ATM: variants seen among roughly 807,000 people sequenced by gnomAD.
ATM encodes serine-protein kinase ATM.
A neutral mutation model predicts 387.0 loss-of-function variants in ATM; 308 were observed. The observed-to-expected ratio is 0.80, with a 90% CI of 0.73 to 0.87. The LOEUF is 0.87. Among genes scored for constraint, ATM ranks in the 40% least tolerant of loss-of-function variants. ATM has a pLI of 0.00. For synonymous variants in ATM, 1,156 were observed against 1,187.3 expected (o/e 0.97, Z 0.54); for missense variants, 3,312 against 3,560.9 (o/e 0.93, Z 1.78).
chr11:108,362,990 CAAA>C (rs895050205), intron 61 of ATM, among the ~76,000 whole-genome samples: 1 of 151,446 alleles, frequency 6.6e-6, no homozygotes. Context: ...AACAAACAAA[CAAA>C]AAAAACACAC....
In ATM at chr11:108,327,765, T is replaced by A. The variant is rs1404350048; in HGVS notation, c.7089+7T>A. ...GCAGACCTATCTAGAAAAGGTAAGA[T>A]TTTTGGAGCAACCCTTAAGATAGTT... On this transcript the variant is annotated splice_region_variant and intron_variant, in intron 48 of 62. Transcript: ENST00000675843. The A allele has an allele frequency of 6.2e-7, 1 of 1,600,352 alleles. No individual in the cohort carries two copies. The highest frequency in any genetic ancestry group is 1.1e-5 in the South Asian group (1 of 90,704).
intron 61 of ATM, among the ~76,000 whole-genome samples, chr11:108,356,803 G>A (rs2089986867): frequency 6.6e-6 from 1 of 152,182 alleles, no homozygotes; most frequent in African/African-American, 2.4e-5. Flanking sequence ...GATCAAATGA[G>A]AGAAGTGACA....
In ATM at chr11:108,368,530, C is replaced by A. The variant is rs145076930; in HGVS notation, c.*3022C>A. The A allele has an allele frequency of 9.2e-6, 2 of 216,840 alleles. No homozygotes were observed. The highest frequency in any genetic ancestry group is 1.9e-4 in the South Asian group (1 of 5,358). The allele number at this position is 216,840 out of a possible 1,614,324, so 13.4% of individuals were successfully genotyped here. A position where few individuals can be genotyped will look rare whatever the true frequency, so the allele number is the denominator to read the frequency against. ...TCAGAATTTGGAGAAATAAGTTGTCCAAGGCAAGAAGATAGTAAATTATAA... is the reference window on the plus strand; with the variant it reads ...TCAGAATTTGGAGAAATAAGTTGTCAAAGGCAAGAAGATAGTAAATTATAA... On this transcript the variant is annotated 3_prime_UTR_variant, in exon 63 of 63. Transcript: ENST00000675843.
chr11:108,250,641 C>G lies in ATM; in HGVS notation c.1236-60C>G. 3 of 1,505,194 alleles carry G rather than the reference C, an allele frequency of 2.0e-6. No homozygotes were observed. The South Asian group carries it at 3.4e-5, about 17-fold the overall frequency. The allele number at this position is 1,505,194 out of a possible 1,614,324, so 93.2% of individuals were successfully genotyped here. A position where few individuals can be genotyped will look rare whatever the true frequency, so the allele number is the denominator to read the frequency against. On this transcript the variant is annotated intron_variant, in intron 9 of 62. Coordinates refer to ENST00000675843, the MANE Select transcript of ATM (RefSeq NM_000051.4). ...GTAAGAGTACCATGTCTATATATTT[C>G]CTTTTAGTTTGTTAATGTGATGGAA...
At chr11:108,357,566 T>G (rs374489691) in intron 61 of ATM, among the ~76,000 whole-genome samples, 2 of 151,852 alleles carry the variant, frequency 1.3e-5, no homozygotes, top group Non-Finnish European at 2.9e-5. Context: ...TTGAAGAGAG[T>G]AGTGGTTCTC....
intron 4 of ATM, 186 bp downstream of exon 4, chr11:108,229,509 C>A: frequency 1.8e-6 from 1 of 565,470 alleles, no homozygotes; most frequent in Non-Finnish European, 3.0e-6. Flanking sequence ...TTTTTTAGGG[C>A]TAGTCAAGTG....
At chr11:108,267,411 C>T in intron 17 of ATM, 69 bp downstream of exon 17, 1 of 1,390,238 alleles carries the variant, frequency 7.2e-7, no homozygotes. Flanking sequence ...TAAGAGGCCT[C>T]ATTGATATCA....
intron 57 of ATM, among the ~76,000 whole-genome samples, chr11:108,344,927 C>T (rs1172162894): frequency 6.6e-6 from 1 of 151,880 alleles, no homozygotes; most frequent in Non-Finnish European, 1.5e-5. Flanking sequence ...TTGCTTGAGC[C>T]CAGGGGCCAA....
chr11:108,270,942 C>G, intron 18 of ATM, 122 bp from the exon 19 acceptor site: 2 of 788,272 alleles, frequency 2.5e-6, no homozygotes, highest in Non-Finnish European at 4.3e-6. Context: ...GATCTGCCTG[C>G]TTCAGCCTCC....
intron 11 of ATM, 149 bp downstream of exon 11, chr11:108,252,180 T>C: frequency 1.3e-6 from 1 of 756,196 alleles, no homozygotes; most frequent in Non-Finnish European, 2.1e-6. Flanking sequence ...TGTTTGTTTT[T>C]ACAGTTATCT....
intron 1 of ATM, chr11:108,225,515 C>T (rs1413549603): frequency 6.6e-6 from 1 of 152,094 alleles, no homozygotes; most frequent in Admixed American, 6.6e-5. Context: ...GCTCTGTCGC[C>T]CATGCTGGAG....
chr11:108,230,470 T>C (rs2078955754), intron 4 of ATM: 1 of 152,192 alleles, frequency 6.6e-6, no homozygotes, highest in Non-Finnish European at 1.5e-5. Flanking sequence ...TCTGAGAGTA[T>C]ATCAAAAACT....
At chr11:108,254,365 A>G (rs957458181) in intron 13 of ATM, among the ~76,000 whole-genome samples, 4 of 152,192 alleles carry the variant, frequency 2.6e-5, no homozygotes, top group Admixed American at 1.3e-4. Context: ...GAAATGTTAC[A>G]GTAATAGAAA....
chr11:108,242,514 A>T (rs1212467609), intron 5 of ATM, among the ~76,000 whole-genome samples: 5 of 152,208 alleles, frequency 3.3e-5, no homozygotes, highest in Non-Finnish European at 5.9e-5. Context: ...TGTAGATGAC[A>T]TGATTGTCTA....
Position 108,247,998 on chromosome 11 carries a change from G to T in ATM, c.1065+871G>T, listed in dbSNP as rs191212858. 8.5e-5 allele frequency among the ~76,000 whole-genome samples: 13 copies of T among 152,224 alleles called. No homozygotes were observed. The East Asian group carries it at 2.5e-3, about 29-fold the overall frequency. On this transcript the variant is annotated intron_variant, in intron 8 of 62. Coordinates refer to ENST00000675843, the MANE Select transcript of ATM (RefSeq NM_000051.4). ...GGCAACCAGCCACTAATCAATCTTGGTTTTTGTGGATTTTCCTGTTTGGGA... is the reference window on the plus strand; with the variant it reads ...GGCAACCAGCCACTAATCAATCTTGTTTTTTGTGGATTTTCCTGTTTGGGA...
chr11:108,356,784 G>C (rs558395489), intron 61 of ATM, among the ~76,000 whole-genome samples: 3 of 152,124 alleles, frequency 2.0e-5, no homozygotes, highest in Non-Finnish European at 2.9e-5. Flanking sequence ...ACTTTTTAGA[G>C]TAGTAGGAGA....
chr11:108,328,465 C>T (rs1591147110), intron 48 of ATM, among the ~76,000 whole-genome samples: 1 of 152,232 alleles, frequency 6.6e-6, no homozygotes, highest in East Asian at 1.9e-4. Context: ...AGTCTGGTCT[C>T]GAACTCCTGA....
rs145672513 is a variant in ATM, at chr11:108,291,275, G to C, written c.4437-1344G>C. The stretch of plus-strand genomic sequence containing the variant: ...AAAACAAAAACAAAACAAGAATTGG[G>C]GTTGTTCAATTTAGCATCTCTGATC... On this transcript the variant is annotated intron_variant, in intron 29 of 62. Coordinates refer to ENST00000675843, the MANE Select transcript of ATM (RefSeq NM_000051.4). 6.8e-3 allele frequency among the ~76,000 whole-genome samples: 1,042 copies of C among 152,170 alleles called. 16 individuals carry two copies. The highest frequency in any genetic ancestry group is 0.023 in the African/African-American group (965 of 41,538).
intron 61 of ATM, among the ~76,000 whole-genome samples, chr11:108,362,916 A>G (rs2090951160): frequency 1.3e-5 from 2 of 151,978 alleles, no homozygotes. Flanking sequence ...AACCTGCACA[A>G]TGTGCACATG....
Sources: gnomAD v4.1 joint callset for allele counts (sites outside exome capture counted in the v4.1 genomes callset) on GRCh38, gnomAD v4.1.1 for gene constraint, MANE v1.5 for transcripts, NCBI Gene and HGNC (gene_info 2026-07-23, HGNC 2026-07-21) for gene names.